The following GXYLT2 variants were observed in gnomAD, a reference collection of about 807,000 sequenced individuals.
GXYLT2 encodes glucoside xylosyltransferase 2.
GXYLT2 carries 53 observed loss-of-function variants against 45.8 expected under a neutral mutation model. The observed-to-expected ratio is 1.16, with a 90% CI of 0.93 to 1.46. The LOEUF (loss-of-function observed/expected upper bound fraction) is 1.46. Ranked by LOEUF, GXYLT2 falls within the 40% of genes most tolerant of loss-of-function variation. The pLI is 0.00. For missense variants in GXYLT2, 551 were observed against 544.4 expected, an observed-to-expected ratio of 1.01 and a Z score of -0.12; for synonymous variants, 219 against 214.2, an observed-to-expected ratio of 1.02 and a Z score of -0.19.
rs1266098410 is a variant in GXYLT2, at chr3:72,888,054, T to TC, written c.-179dup. 5.4e-6 allele frequency: 1 copy of TC among 186,192 alleles called. No individual in the cohort carries two copies. The highest frequency in any genetic ancestry group is 9.8e-6 in the Non-Finnish European group (1 of 101,850). 11.5% of individuals were successfully genotyped at this position (186,192 alleles called of 1,614,324 possible). A position where few individuals can be genotyped will look rare whatever the true frequency, so the allele number is the denominator to read the frequency against. On this transcript the variant is annotated 5_prime_UTR_variant, in exon 1 of 7. Coordinates refer to ENST00000389617, the MANE Select transcript of GXYLT2 (RefSeq NM_001080393.2). ...CTCACCGCCTCCCCCTCCTCTCCTC[T>TC]CTCTCCTCCTCCTTCGCCGTCGCCG... is the stretch of plus-strand genomic sequence containing the variant.
chr3:72,890,642 G>T, intron 1 of GXYLT2, among the ~76,000 whole-genome samples: 1 of 152,142 alleles, frequency 6.6e-6, no homozygotes, highest in South Asian at 2.1e-4. Context: ...GTAGATTTTT[G>T]GATCTGTCTC....
Position 72,908,462 on chromosome 3 carries a change from C to T in GXYLT2, c.371C>T (p.Thr124Met), listed in dbSNP as rs765570985. ...GCCTGTGGCAATCGGCTGGAGGAGA[C>T]GCTGGTCATGCTCAAATCAGCTGTG... ...VVACGNRLEETLVMLKSAVLF... is the reference protein window; with the variant it reads ...VVACGNRLEEMLVMLKSAVLF... The change falls in exon 2 of 7, where the codon ACG becomes ATG. Residue 124 changes from threonine to methionine, a missense_variant. Physicochemically the swap from Thr to Met is moderately conservative, Grantham distance 81. Transcript: ENST00000389617. The T allele has an allele frequency of 9.3e-6, 15 of 1,613,752 alleles. No individual in the cohort carries two copies. The highest frequency in any genetic ancestry group is 3.3e-5 in the South Asian group (3 of 91,072).
chr3:72,961,984 T>TG (rs1366630489), intron 5 of GXYLT2, among the ~76,000 whole-genome samples: 1 of 152,124 alleles, frequency 6.6e-6, no homozygotes, highest in African/African-American at 2.4e-5. Context: ...GAGTCAAGTG[T>TG]GTGATACTAG....
intron 1 of GXYLT2, among the ~76,000 whole-genome samples, chr3:72,898,359 T>C (rs969373526): frequency 6.6e-6 from 1 of 152,186 alleles, no homozygotes; most frequent in Admixed American, 6.5e-5. Flanking sequence ...CCCTCGTATG[T>C]CAACAGCCAT....
At chr3:72,929,131 C>T (rs1264582524) in intron 3 of GXYLT2, 2 of 1,588,816 alleles carry the variant, frequency 1.3e-6, no homozygotes, top group African/African-American at 1.3e-5. Context: ...TGGAGCTCTA[C>T]GCCTCCTACG....
intron 3 of GXYLT2, among the ~76,000 whole-genome samples, chr3:72,939,053 G>A (rs1710245477): frequency 6.6e-6 from 1 of 152,054 alleles, no homozygotes; most frequent in African/African-American, 2.4e-5. Flanking sequence ...CCACAAGGGG[G>A]CACAATAGAA....
chr3:72,931,115 A>G (rs1203345314), intron 3 of GXYLT2, among the ~76,000 whole-genome samples: 3 of 152,218 alleles, frequency 2.0e-5, no homozygotes, highest in African/African-American at 4.8e-5. Flanking sequence ...AAGTTATACA[A>G]TGTATGTTCT....
chr3:72,905,180 C>G (rs540551351), intron 1 of GXYLT2, among the ~76,000 whole-genome samples: 2 of 151,810 alleles, frequency 1.3e-5, no homozygotes, highest in East Asian at 1.9e-4. Flanking sequence ...TGCAGTGGCA[C>G]GATCTCAGCT....
chr3:72,891,365 C>T (rs750102678), intron 1 of GXYLT2, among the ~76,000 whole-genome samples: 3 of 152,154 alleles, frequency 2.0e-5, no homozygotes, highest in African/African-American at 4.8e-5. Context: ...GCCACGTCAA[C>T]GCAGGAAACA....
chr3:72,892,310 G>C (rs747893254), intron 1 of GXYLT2, among the ~76,000 whole-genome samples: 48 of 152,262 alleles, frequency 3.2e-4, no homozygotes, highest in Non-Finnish European at 6.5e-4. Context: ...CGCTCTTACT[G>C]ATTACTCAAC....
Position 72,906,661 on chromosome 3 carries a change from G to A in GXYLT2, c.276-1706G>A, listed in dbSNP as rs112805962. ...TAACAGTACTTAGTAAAGATTTGTT[G>A]ATTAATAAATGGTCTGAAGTTAGCA... On this transcript the variant is annotated intron_variant, in intron 1 of 6. Transcript: ENST00000389617. 1.7e-3 allele frequency among the ~76,000 whole-genome samples: 259 copies of A among 152,206 alleles called. 1 individual carries two copies. Among genetic ancestry groups the A allele is most frequent in the African/African-American group, 6.1e-3 (253 of 41,524 alleles).
At chr3:72,906,094 T>C (rs578058278) in intron 1 of GXYLT2, among the ~76,000 whole-genome samples, 43 of 152,364 alleles carry the variant, frequency 2.8e-4, no homozygotes, top group African/African-American at 9.6e-4. Flanking sequence ...TTGACTGATT[T>C]TTAGAAATTG....
intron 1 of GXYLT2, among the ~76,000 whole-genome samples, chr3:72,889,906 TG>T (rs1575770327): frequency 3.2e-4 from 43 of 135,044 alleles, no homozygotes; most frequent in Non-Finnish European, 4.1e-4. Flanking sequence ...GTTTTTTTTT[TG>T]TTTTTTTTTT....
Position 72,975,369 on chromosome 3 carries a change from GAAA to G in GXYLT2, c.*220_*222del. 5 of 329,672 alleles carry G rather than the reference GAAA, an allele frequency of 1.5e-5. No individual in the cohort carries two copies. Among genetic ancestry groups the G allele is most frequent in the Non-Finnish European group, 2.7e-5 (5 of 185,866 alleles). 20.4% of individuals were successfully genotyped at this position (329,672 alleles called of 1,614,324 possible). ...TTCTAAAATGCTATTTATCTCTAAG[GAAA>G]AAAAAAAAAGACTATTACTCATTTA... On this transcript the variant is annotated 3_prime_UTR_variant, in exon 7 of 7. Coordinates refer to ENST00000389617, the MANE Select transcript of GXYLT2 (RefSeq NM_001080393.2).
intron 5 of GXYLT2, among the ~76,000 whole-genome samples, chr3:72,960,924 A>G (rs1463887668): frequency 1.3e-5 from 2 of 152,244 alleles, no homozygotes; most frequent in Admixed American, 1.3e-4. Context: ...ACCAATGCAC[A>G]TAAAACCTGT....
intron 5 of GXYLT2, among the ~76,000 whole-genome samples, chr3:72,964,321 T>TC: frequency 6.6e-6 from 1 of 152,020 alleles, no homozygotes; most frequent in African/African-American, 2.4e-5. Context: ...TTCTCTCTTT[T>TC]TTTTTCTTTT....
intron 1 of GXYLT2, among the ~76,000 whole-genome samples, chr3:72,902,192 A>G (rs978151722): frequency 3.3e-5 from 5 of 152,148 alleles, no homozygotes; most frequent in African/African-American, 1.2e-4. Flanking sequence ...TCCTGTAGGT[A>G]TATAACTAGA....
At chr3:72,938,837 A>C (rs1710241313) in intron 3 of GXYLT2, among the ~76,000 whole-genome samples, 1 of 152,212 alleles carries the variant, frequency 6.6e-6, no homozygotes, top group Admixed American at 6.5e-5. Context: ...AAGTTTAATG[A>C]GCCAGAATTT....
chr3:72,936,986 G>A (rs922369921), intron 3 of GXYLT2, among the ~76,000 whole-genome samples: 5 of 152,132 alleles, frequency 3.3e-5, no homozygotes, highest in African/African-American at 1.2e-4. Flanking sequence ...TTAAATAATT[G>A]GAATTGGTGG....
Sources: gnomAD v4.1 joint callset for allele counts (sites outside exome capture counted in the v4.1 genomes callset) on GRCh38, gnomAD v4.1.1 for gene constraint, MANE v1.5 for transcripts, NCBI Gene and HGNC (gene_info 2026-07-23, HGNC 2026-07-21) for gene names.